The following TANC2 variants were observed in gnomAD, a reference collection of about 807,000 sequenced individuals.
The protein encoded by TANC2 is protein TANC2.
Under a neutral mutation model 210.5 loss-of-function variants are expected in TANC2, and 26 were observed. That is an observed-to-expected ratio of 0.12 (90% CI 0.09 to 0.17). The LOEUF (loss-of-function observed/expected upper bound fraction) is 0.17, where lower values mean the gene tolerates loss of function less well. Among genes scored for constraint, TANC2 ranks in the 10% least tolerant of loss-of-function variants. The probability of loss-of-function intolerance (pLI) is 1.00; values close to 1 mark genes in which losing one functional copy is unlikely to be tolerated. For missense variants in TANC2, 2,129 were observed against 2,608.9 expected, an observed-to-expected ratio of 0.82 and a Z score of 4.01; for synonymous variants, 931 against 967.1, an observed-to-expected ratio of 0.96 and a Z score of 0.69.
chr17:63,345,043 T>TA (rs2046355375), intron 12 of TANC2, among the ~76,000 whole-genome samples: 1 of 152,202 alleles, frequency 6.6e-6, no homozygotes, highest in Non-Finnish European at 1.5e-5. Context: ...AACATATGCT[T>TA]GAATAAGCTT....
At chr17:63,346,468 C>T (rs749467024) in intron 12 of TANC2, among the ~76,000 whole-genome samples, 6 of 152,130 alleles carry the variant, frequency 3.9e-5, no homozygotes, top group Admixed American at 2.6e-4. Flanking sequence ...AAAGAAGATA[C>T]GTCAACAGCC....
At chr17:63,110,760 A>C (rs1191262349) in intron 4 of TANC2, among the ~76,000 whole-genome samples, 1 of 152,148 alleles carries the variant, frequency 6.6e-6, no homozygotes. Flanking sequence ...CTGGCCTTTA[A>C]ATTTCAACAC....
chr17:63,018,343 A>T (rs1217825957), intron 2 of TANC2, among the ~76,000 whole-genome samples: 1 of 151,490 alleles, frequency 6.6e-6, no homozygotes, highest in Non-Finnish European at 1.5e-5. Context: ...TACAAAAATT[A>T]GCTGGCACAC....
chr17:63,344,239 T>G (rs1489992199), intron 12 of TANC2, among the ~76,000 whole-genome samples: 1 of 152,144 alleles, frequency 6.6e-6, no homozygotes, highest in Non-Finnish European at 1.5e-5. Context: ...AACAGTTTCA[T>G]CCCTAAACCA....
intron 9 of TANC2, among the ~76,000 whole-genome samples, chr17:63,299,684 CT>C (rs1028003818): frequency 1.3e-5 from 2 of 151,910 alleles, no homozygotes; most frequent in African/African-American, 4.8e-5. Context: ...GGGTATTAGA[CT>C]TTTGTCAGAT....
intron 20 of TANC2, 108 bp downstream of exon 20, chr17:63,405,363 G>C (rs2048470089): frequency 5.4e-6 from 7 of 1,307,108 alleles, no homozygotes; most frequent in Non-Finnish European, 7.1e-6. Flanking sequence ...TTACCCAGCA[G>C]TGATCAGGTT....
In TANC2 at chr17:63,207,413, C is replaced by T. The variant is rs181560573; in HGVS notation, c.769+6456C>T. On this transcript the variant is annotated intron_variant, in intron 7 of 27. Transcript: ENST00000689528. ...TGTATTTTTAGTAGAGATGGGGTTT[C>T]ACTGTGTTAGCCAGGATAGTCTTGA... 8.5e-3 allele frequency among the ~76,000 whole-genome samples: 1,287 copies of T among 151,746 alleles called. 15 individuals carry two copies. The highest frequency in any genetic ancestry group is 0.028 in the African/African-American group (1,179 of 41,382).
At chr17:63,156,392 A>G (rs989589174) in intron 5 of TANC2, among the ~76,000 whole-genome samples, 4 of 151,536 alleles carry the variant, frequency 2.6e-5, no homozygotes, top group Non-Finnish European at 5.9e-5. Flanking sequence ...AAAAAGAAAG[A>G]AGAAATGCTA....
chr17:63,295,860 A>G (rs1026046098), intron 9 of TANC2, among the ~76,000 whole-genome samples: 1 of 152,230 alleles, frequency 6.6e-6, no homozygotes, highest in African/African-American at 2.4e-5. Context: ...TAAGAATTTT[A>G]TGAGGGGCCC....
At chr17:63,208,473 A>G (rs1048442342) in intron 7 of TANC2, among the ~76,000 whole-genome samples, 6 of 152,184 alleles carry the variant, frequency 3.9e-5, no homozygotes, top group African/African-American at 1.4e-4. Flanking sequence ...CTTGATCATC[A>G]TCTTGAGGAT....
At chr17:63,085,061 C>T (rs2036909627) in intron 3 of TANC2, among the ~76,000 whole-genome samples, 1 of 152,224 alleles carries the variant, frequency 6.6e-6, no homozygotes, top group South Asian at 2.1e-4. Flanking sequence ...CTGTCCATTT[C>T]TGATAGAAGG....
rs564046748 is a variant in TANC2 at position 63,218,369 on chromosome 17, C to T, written c.769+17412C>T. Among the ~76,000 whole-genome samples the T allele has an allele frequency of 7.2e-5, 11 of 152,192 alleles. 1 individual carries two copies. The South Asian group carries it at 1.7e-3, about 23-fold the overall frequency. On this transcript the variant is annotated intron_variant, in intron 7 of 27. Coordinates refer to ENST00000689528, the Ensembl canonical transcript of TANC2. ...CTGAAAAACCTACATCTAATTCATACTTAATGGTAAAAACCTGGATGCTTT... is the reference window on the plus strand; with the variant it reads ...CTGAAAAACCTACATCTAATTCATATTTAATGGTAAAAACCTGGATGCTTT...
chr17:63,393,011 T>C (rs1205883707), intron 17 of TANC2, among the ~76,000 whole-genome samples: 1 of 152,192 alleles, frequency 6.6e-6, no homozygotes, highest in Non-Finnish European at 1.5e-5. Flanking sequence ...CTGAAATTTG[T>C]CCAACTGTCC....
intron 8 of TANC2, among the ~76,000 whole-genome samples, chr17:63,238,987 A>C (rs1370688097): frequency 3.3e-5 from 5 of 152,218 alleles, no homozygotes; most frequent in African/African-American, 1.2e-4. Flanking sequence ...TTACAATTCG[A>C]GATAAGATTT....
At chr17:63,191,517 C>T (rs1306123833) in intron 5 of TANC2, among the ~76,000 whole-genome samples, 1 of 151,838 alleles carries the variant, frequency 6.6e-6, no homozygotes, top group Non-Finnish European at 1.5e-5. Context: ...GGCTGGAGTG[C>T]AGTGACATGA....
chr17:63,019,364 C>G (rs891006824), intron 2 of TANC2, among the ~76,000 whole-genome samples: 1 of 151,816 alleles, frequency 6.6e-6, no homozygotes, highest in Non-Finnish European at 1.5e-5. Flanking sequence ...ATTACAGTTG[C>G]ATGCCATCAC....
chr17:63,405,713 C>A (rs1433691782), intron 20 of TANC2, among the ~76,000 whole-genome samples: 1 of 152,170 alleles, frequency 6.6e-6, no homozygotes, highest in Admixed American at 6.5e-5. Flanking sequence ...TGATAATAAT[C>A]TTCAGAAGTA....
At chr17:63,055,965 CAAA>C (rs869063496) in intron 2 of TANC2, among the ~76,000 whole-genome samples, 15 of 52,578 alleles carry the variant, frequency 2.9e-4, no homozygotes, top group East Asian at 1.1e-3. Flanking sequence ...TCATCTCTAC[CAAA>C]AAAAAAAAAA....
intron 1 of TANC2, among the ~76,000 whole-genome samples, chr17:62,969,596 A>G (rs551841242): frequency 2.0e-4 from 31 of 152,326 alleles, no homozygotes; most frequent in African/African-American, 7.2e-4. Flanking sequence ...GTAGAGGAGT[A>G]TTAGTACTTT....
Sources: gnomAD v4.1 joint callset for allele counts (sites outside exome capture counted in the v4.1 genomes callset) on GRCh38, gnomAD v4.1.1 for gene constraint, MANE v1.5 for transcripts, NCBI Gene and HGNC (gene_info 2026-07-23, HGNC 2026-07-21) for gene names.